Variants in IHO1 observed in about 807,000 individuals in gnomAD.
IHO1 encodes the protein interactor of HORMAD1 1.
A neutral mutation model predicts 31.0 loss-of-function variants in IHO1; 13 were observed. The observed-to-expected ratio is 0.42, with a 90% confidence interval of 0.27 to 0.67. The LOEUF (loss-of-function observed/expected upper bound fraction) is 0.67, where lower values mean the gene tolerates loss of function less well. Among genes scored for constraint, IHO1 ranks in the 30% least tolerant of loss-of-function variants. The pLI is 0.24. For missense variants in IHO1, 599 were observed against 687.5 expected (o/e 0.87, Z 1.44); for synonymous variants, 221 against 248.4 (o/e 0.89, Z 1.04).
At chr3:49,239,542 A>G (rs532125100) in intron 3 of IHO1, among the ~76,000 whole-genome samples, 123 of 152,012 alleles carry the variant, frequency 8.1e-4, no homozygotes, top group African/African-American at 2.9e-3. Context: ...AGCCTCCCAA[A>G]GTTCTGGGAT....
chr3:49,229,366 G>A (rs965864427), intron 2 of IHO1, among the ~76,000 whole-genome samples: 1 of 152,210 alleles, frequency 6.6e-6, no homozygotes, highest in African/African-American at 2.4e-5. Flanking sequence ...CTTCCAGGTA[G>A]ATCTACTTTA....
intron 6 of IHO1, among the ~76,000 whole-genome samples, chr3:49,251,525 C>T (rs1410089568): frequency 1.3e-5 from 2 of 151,628 alleles, no homozygotes; most frequent in Admixed American, 6.6e-5. Context: ...CCTTGTGATC[C>T]GCCAGCTTTG....
intron 2 of IHO1, among the ~76,000 whole-genome samples, chr3:49,221,616 G>T (rs949321876): frequency 1.3e-5 from 2 of 152,220 alleles, no homozygotes; most frequent in African/African-American, 4.8e-5. Context: ...TGCTGTGGTA[G>T]TGTCCTCCAG....
At chr3:49,233,899 C>T (rs952852900) in intron 2 of IHO1, among the ~76,000 whole-genome samples, 2 of 152,192 alleles carry the variant, frequency 1.3e-5, no homozygotes, top group African/African-American at 2.4e-5. Context: ...ATAGCATGAG[C>T]AATCCGTACC....
chr3:49,242,981 G>T (rs1241506848), intron 4 of IHO1, among the ~76,000 whole-genome samples: 1 of 152,054 alleles, frequency 6.6e-6, no homozygotes, highest in Non-Finnish European at 1.5e-5. Flanking sequence ...TTGTTGTACA[G>T]ATTATTTCAT....
intron 1 of IHO1, chr3:49,199,824 G>C (rs1250956757): frequency 2.0e-5 from 3 of 152,232 alleles, no homozygotes; most frequent in Non-Finnish European, 4.4e-5. Context: ...AGGGGTCCGC[G>C]ACCTCCTATC....
At chr3:49,249,185 T>G (rs4955443) in intron 6 of IHO1, among the ~76,000 whole-genome samples, 111,399 of 152,070 alleles carry the variant, frequency 0.73, 41,316 homozygotes, top group East Asian at 0.99. Context: ...GTAATAAAGT[T>G]AATTACCAAA....
intron 1 of IHO1, among the ~76,000 whole-genome samples, chr3:49,211,225 G>A (rs943489998): frequency 1.3e-5 from 2 of 150,994 alleles, no homozygotes; most frequent in African/African-American, 2.4e-5. Flanking sequence ...AGCCACGATG[G>A]TCTTGATCTC....
intron 2 of IHO1, among the ~76,000 whole-genome samples, chr3:49,220,162 A>T (rs1325856723): frequency 1.3e-5 from 2 of 152,148 alleles, no homozygotes; most frequent in Non-Finnish European, 2.9e-5. Context: ...GTTAGGATAC[A>T]CCCCACAGAT....
At chr3:49,248,593 C>A (rs2046724446) in intron 6 of IHO1, among the ~76,000 whole-genome samples, 1 of 151,848 alleles carries the variant, frequency 6.6e-6, no homozygotes, top group South Asian at 2.1e-4. Flanking sequence ...ATTAGCCAGG[C>A]GTGCTGGTGC....
chr3:49,192,028 C>T, the IHO1 span, among the ~76,000 whole-genome samples: 1 of 152,176 alleles, frequency 6.6e-6, no homozygotes, highest in African/African-American at 2.4e-5. Context: ...TAGAAACACA[C>T]AGGGCTCCAT....
At chr3:49,232,725 G>T (rs1417195088) in intron 2 of IHO1, among the ~76,000 whole-genome samples, 1 of 152,178 alleles carries the variant, frequency 6.6e-6, no homozygotes, top group Non-Finnish European at 1.5e-5. Flanking sequence ...ACAGATGGTG[G>T]AAGAAAACCT....
chr3:49,195,608 G>A (rs1282604945), upstream of IHO1, among the ~76,000 whole-genome samples: 1 of 151,458 alleles, frequency 6.6e-6, no homozygotes, highest in African/African-American at 2.4e-5. Context: ...CAGCTACTCA[G>A]GAGGCTAAGG....
At chr3:49,201,135 A>G (rs2107676648) in intron 1 of IHO1, among the ~76,000 whole-genome samples, 1 of 152,016 alleles carries the variant, frequency 6.6e-6, no homozygotes, top group Middle Eastern at 3.4e-3. Context: ...CTGGGACCAC[A>G]GGCACCCGCC....
chr3:49,201,396 TCAGAAGTTCAAGACC>T (rs1217022589), intron 1 of IHO1, among the ~76,000 whole-genome samples: 3 of 151,828 alleles, frequency 2.0e-5, no homozygotes, highest in South Asian at 2.1e-4. Context: ...TCACCTGAGG[TCAGAAGTTCAAGACC>T]CAGAAGTTCA....
In IHO1 at chr3:49,241,388, A is replaced by G. The variant is rs768220494; in HGVS notation, c.394A>G (p.Ser132Gly). ...GAAAAGGGCAAAAGACAAATGTGAC[A>G]GGTATGTAAACCTTTCAAATGGATG... is the stretch of plus-strand genomic sequence containing the variant. Reference protein sequence around the residue: ...KKKRAKDKCDSETLYNFVSNV... With the variant: ...KKKRAKDKCDGETLYNFVSNV... The change falls in exon 4 of 8, where the codon AGT (serine) becomes GGT (glycine). Residue 132 changes from serine (S) to glycine (G), a missense_variant and splice_region_variant. By Grantham distance (56) the Ser-to-Gly change is moderately conservative. Transcript: ENST00000452691. 81 of 1,608,958 alleles carry G rather than the reference A, an allele frequency of 5.0e-5. 1 individual carries two copies. In the South Asian group the frequency reaches 7.6e-4, roughly 15 times the overall value.
chr3:49,200,475 A>AGAAAAGAAAGAAAGAAAG (rs1553615441), intron 1 of IHO1: 1 of 103,858 alleles, frequency 9.6e-6, no homozygotes, highest in African/African-American at 6.1e-5. Flanking sequence ...AAAAAAAAAA[A>AGAAAAGAAAGAAAGAAAG]AAAGAAAGAA....
chr3:49,207,082 A>G (rs1415673631), intron 1 of IHO1, among the ~76,000 whole-genome samples: 1 of 151,410 alleles, frequency 6.6e-6, no homozygotes, highest in African/African-American at 2.4e-5. Context: ...CTGACAAAAA[A>G]TGTGTGGAAT....
At chr3:49,215,250 A>C (rs1013155001) in intron 2 of IHO1, among the ~76,000 whole-genome samples, 30 of 151,608 alleles carry the variant, frequency 2.0e-4, no homozygotes, top group Admixed American at 1.6e-3. Context: ...AGGTTTCGCT[A>C]TGTTGGCCAG....
Sources: allele counts gnomAD v4.1 joint callset (sites outside exome capture counted in the v4.1 genomes callset), GRCh38; gene constraint gnomAD v4.1.1; transcripts MANE v1.5; gene names NCBI Gene and HGNC (gene_info 2026-07-23, HGNC 2026-07-21).